Variants in KIF7 observed in about 807,000 individuals in gnomAD.
KIF7 encodes the protein kinesin family member 7.
Under a neutral mutation model 135.7 loss-of-function variants are expected in KIF7, and 104 were observed. That is an observed-to-expected ratio of 0.77 (90% CI 0.65 to 0.90). The LOEUF is 0.90. Among genes scored for constraint, KIF7 ranks in the 40% least tolerant of loss-of-function variants. The pLI is 0.00. For missense variants in KIF7, 2,005 were observed against 1,839.1 expected (o/e 1.09, Z -1.65); for synonymous variants, 883 against 809.4 (o/e 1.09, Z -1.54).
In KIF7 at chr15:89,655,400, T is replaced by A. The variant is rs758198192; in HGVS notation, c.-26A>T. The A allele has an allele frequency of 6.6e-6, 1 of 152,142 alleles. No homozygotes were observed. Among genetic ancestry groups the A allele is most frequent in the Non-Finnish European group, 1.5e-5 (1 of 68,042 alleles). The allele number at this position is 152,142 out of a possible 1,614,324, so 9.4% of individuals were successfully genotyped here. A position where few individuals can be genotyped will look rare whatever the true frequency, so the allele number is the denominator to read the frequency against. On this transcript the variant is annotated splice_region_variant and 5_prime_UTR_variant, in exon 1 of 19. Coordinates refer to ENST00000394412, the MANE Select transcript of KIF7 (RefSeq NM_198525.3). ...ACCCGCTCTCCGGCCCACACTCACC[T>A]GCCTGGCTGCAAGCGCCGTCCCGGG...
chr15:89,659,470 G>GAAAGAAA (rs1964237685), upstream of KIF7, among the ~76,000 whole-genome samples: 1 of 142,000 alleles, frequency 7.0e-6, no homozygotes, highest in Admixed American at 7.3e-5. Flanking sequence ...AAAGAAAAAA[G>GAAAGAAA]AAAGAAAGAA....
chr15:89,630,602 C>A (rs370525086), intron 15 of KIF7, 109 bp from the exon 16 acceptor site: 13 of 943,240 alleles, frequency 1.4e-5, no homozygotes, highest in East Asian at 1.0e-4. Context: ...TTAAGGGTCC[C>A]CTCGTCCCAA....
intron 1 of KIF7, among the ~76,000 whole-genome samples, chr15:89,618,970 T>A (rs1963379380): frequency 6.6e-6 from 1 of 151,992 alleles, no homozygotes; most frequent in Non-Finnish European, 1.5e-5. Context: ...AAAAATAAAA[T>A]AATAAAAGTA....
chr15:89,628,151 T>G lies in KIF7; in HGVS notation c.*268A>C. On this transcript the variant is annotated 3_prime_UTR_variant, in exon 19 of 19. Coordinates refer to ENST00000394412, the MANE Select transcript of KIF7 (RefSeq NM_198525.3). ...CATCCATTTACGCCTGAAACCAGAA[T>G]TGTCCTGAGATTCGAGCAAGACACA... 2 of 421,234 alleles carry G rather than the reference T, an allele frequency of 4.7e-6. No individual in the cohort carries two copies. Among genetic ancestry groups the G allele is most frequent in the Non-Finnish European group, 8.4e-6 (2 of 238,412 alleles). 26.1% of individuals were successfully genotyped at this position (421,234 alleles called of 1,614,324 possible). A position where few individuals can be genotyped will look rare whatever the true frequency, so the allele number is the denominator to read the frequency against.
downstream of KIF7, chr15:89,625,283 C>G (rs768626846): frequency 1.2e-6 from 2 of 1,614,086 alleles, no homozygotes; most frequent in East Asian, 4.5e-5. Context: ...AGTACCCCCT[C>G]TCCATTTCAA....
chr15:89,628,478 G>A lies in KIF7; in HGVS notation c.3973C>T (p.Arg1325Trp), dbSNP rs777140020. 3.8e-5 allele frequency: 62 copies of A among 1,611,076 alleles called. No homozygotes were observed. The Admixed American group carries it at 4.3e-4, about 11-fold the overall frequency. Reference protein sequence around the residue: ...PWNFGPLSKPRRELRRASPGM... With the variant: ...PWNFGPLSKPWRELRRASPGM... ...GGGCTGGCTCGTCGCAGTTCCCGCC[G>A]GGGCTTGGACAAAGGCCCAAAGTTC... The change falls in exon 19 of 19, where the codon CGG (arginine) becomes TGG (tryptophan). Residue 1325 changes from arginine (R) to tryptophan (W), a missense_variant. Coordinates refer to ENST00000394412, the MANE Select transcript of KIF7 (RefSeq NM_198525.3).
intron 9 of KIF7, 26 bp from the exon 10 acceptor site, chr15:89,645,191 G>A (rs1963990280): frequency 1.9e-6 from 3 of 1,605,354 alleles, no homozygotes; most frequent in Non-Finnish European, 2.5e-6. Context: ...TGTCAAGGTT[G>A]CTGCCCCAAC....
Position 89,647,598 on chromosome 15 carries a change from GC to G in KIF7, c.1557del (p.Gln520ArgfsTer19). The G allele has an allele frequency of 6.2e-7, 1 of 1,611,094 alleles. No homozygotes were observed. Among genetic ancestry groups the G allele is most frequent in the Non-Finnish European group, 8.5e-7 (1 of 1,179,516 alleles). On this transcript the variant is annotated frameshift_variant, in exon 6 of 19. Transcript: ENST00000394412. LOFTEE classifies it high-confidence loss of function. ...ALEDAMEQYK[L>X]QSDRLREQQE... ...GCACTGTGAAGCGGGCGCCGCACCT[GC>G]AGTTTGTACTGCTCCATGGCGTCCT...
At chr15:89,627,088 C>T (rs1267057218), downstream of KIF7, 3 of 1,613,828 alleles carry the variant, frequency 1.9e-6, no homozygotes, top group Non-Finnish European at 2.5e-6. Context: ...GACTTATAGC[C>T]ACAAACATTA....
At chr15:89,653,918 A>C (rs1964165304) in intron 1 of KIF7, among the ~76,000 whole-genome samples, 1 of 152,078 alleles carries the variant, frequency 6.6e-6, no homozygotes, top group Non-Finnish European at 1.5e-5. Context: ...ATGCAAATGC[A>C]ATTATTTCAC....
chr15:89,642,123 C>T, intron 11 of KIF7, 80 bp downstream of exon 11: 1 of 1,439,314 alleles, frequency 6.9e-7, no homozygotes, highest in Non-Finnish European at 9.6e-7. Context: ...GCCTCAGAGC[C>T]CACATGTCCT....
intron 11 of KIF7, among the ~76,000 whole-genome samples, chr15:89,635,121 A>G (rs7163092): frequency 6.6e-6 from 1 of 150,944 alleles, no homozygotes; most frequent in African/African-American, 2.5e-5. Context: ...AGGGTCCTGT[A>G]TGTTAGAAGG....
At chr15:89,635,711 T>C (rs1963792231) in intron 11 of KIF7, among the ~76,000 whole-genome samples, 1 of 152,154 alleles carries the variant, frequency 6.6e-6, no homozygotes, top group East Asian at 1.9e-4. Context: ...CTGGTGTACC[T>C]GAAAGTGACG....
At chr15:89,627,082 T>G, downstream of KIF7, 1 of 1,614,022 alleles carries the variant, frequency 6.2e-7, no homozygotes, top group Non-Finnish European at 8.5e-7. Flanking sequence ...CTGGAGGACT[T>G]ATAGCCACAA....
At chr15:89,648,220 C>CCCACAA (rs775632453) in intron 5 of KIF7, 35 bp downstream of exon 5, 19 of 1,479,508 alleles carry the variant, frequency 1.3e-5, no homozygotes, top group South Asian at 1.0e-4. Context: ...CTCCCCACTG[C>CCCACAA]CCACAACCAC....
Position 89,645,973 on chromosome 15 carries a change from C to T in KIF7, c.1842G>A (p.Arg614=). The change falls in exon 8 of 19, where the codon AGG becomes AGA. Residue 614 remains arginine, a synonymous_variant. Transcript: ENST00000394412. ...AGAELLTEVN[R]LGSGSSAASE... is the part of the protein sequence containing the mutation. ...AAGCAGCTGAAGAGCCACTTCCCAG[C>T]CTGTTCACCTCAGTCAGCAACTCAG... is the stretch of plus-strand genomic sequence containing the variant. 6.2e-7 allele frequency: 1 copy of T among 1,613,968 alleles called. No homozygotes were observed. Among genetic ancestry groups the T allele is most frequent in the Non-Finnish European group, 8.5e-7 (1 of 1,180,004 alleles).
intron 10 of KIF7, 140 bp downstream of exon 10, chr15:89,644,873 A>G (rs1963982568): frequency 9.3e-7 from 1 of 1,070,846 alleles, no homozygotes; most frequent in African/African-American, 1.5e-5. Context: ...CAGCTGGAAG[A>G]GGCTGGGCTG....
Position 89,633,854 on chromosome 15 carries a change from C to A in KIF7, c.2424G>T (p.Glu808Asp). The change falls in exon 12 of 19, where the codon GAG (glutamate) becomes GAT (aspartate). Residue 808 changes from glutamate (E) to aspartate (D), a missense_variant. Physicochemically the swap from Glu to Asp is conservative, Grantham distance 45. Coordinates refer to ENST00000394412, the MANE Select transcript of KIF7 (RefSeq NM_198525.3). ...TCTGGGCCGACAGTGACACCAGCCG[C>A]TCCGTAGCCTGCTTCTTCTCCTTCA... The part of the protein sequence containing the change: ...QVLKEKKQAT[E>D]RLVSLSAQSE... 1.2e-6 allele frequency: 2 copies of A among 1,613,836 alleles called. No homozygotes were observed. The highest frequency in any genetic ancestry group is 1.7e-6 in the Non-Finnish European group (2 of 1,180,034).
downstream of KIF7, chr15:89,625,403 C>A (rs373178516): frequency 1.2e-6 from 2 of 1,613,928 alleles, no homozygotes; most frequent in Non-Finnish European, 1.7e-6. Flanking sequence ...GGCGCCGGCT[C>A]CTCTTCCGGG....
Sources: gnomAD v4.1 joint callset for allele counts (sites outside exome capture counted in the v4.1 genomes callset) on GRCh38, gnomAD v4.1.1 for gene constraint, MANE v1.5 for transcripts, NCBI Gene and HGNC (gene_info 2026-07-23, HGNC 2026-07-21) for gene names.